The following STAC variants were observed in gnomAD, a reference collection of about 807,000 sequenced individuals.
STAC encodes the protein SH3 and cysteine rich domain.
In STAC, 43 loss-of-function variants were observed where a neutral mutation model predicts 48.8. The ratio of observed to expected loss-of-function variants is 0.88; its 90% CI spans 0.69 to 1.14. The LOEUF (loss-of-function observed/expected upper bound fraction) is 1.14, where lower values mean the gene tolerates loss of function less well. Ranked by LOEUF, STAC falls within the 50% of genes most tolerant of loss-of-function variation. The probability of loss-of-function intolerance (pLI) is 0.00; values close to 1 mark genes in which losing one functional copy is unlikely to be tolerated. For missense variants in STAC, 497 were observed against 504.0 expected, an observed-to-expected ratio of 0.99 and a Z score of 0.13; for synonymous variants, 193 against 179.5, an observed-to-expected ratio of 1.07 and a Z score of -0.60.
At chr3:36,529,460 C>T (rs765193417) in intron 10 of STAC, among the ~76,000 whole-genome samples, 4 of 152,140 alleles carry the variant, frequency 2.6e-5, no homozygotes, top group African/African-American at 4.8e-5. Flanking sequence ...GCAAAAGACA[C>T]GGACTAAATT....
chr3:36,440,705 A>T (rs1383245347), intron 1 of STAC, among the ~76,000 whole-genome samples: 1 of 152,200 alleles, frequency 6.6e-6, no homozygotes, highest in Non-Finnish European at 1.5e-5. Flanking sequence ...AAGTGCCTGG[A>T]TAAGGGAAAG....
intron 2 of STAC, among the ~76,000 whole-genome samples, chr3:36,476,622 T>C (rs1231914699): frequency 6.6e-6 from 1 of 152,212 alleles, no homozygotes; most frequent in Admixed American, 6.5e-5. Context: ...TGTTAGTGTA[T>C]ATTCAAGGAC....
chr3:36,495,759 AT>A (rs1204013056), intron 6 of STAC, among the ~76,000 whole-genome samples: 1 of 152,284 alleles, frequency 6.6e-6, no homozygotes, highest in Non-Finnish European at 1.5e-5. Context: ...CATCACTGCT[AT>A]TAGCAAAGCC....
chr3:36,453,434 T>C (rs898514846), intron 2 of STAC, among the ~76,000 whole-genome samples: 1 of 152,144 alleles, frequency 6.6e-6, no homozygotes, highest in African/African-American at 2.4e-5. Context: ...GACCCCGCCC[T>C]CGGAGAGGCC....
At chr3:36,416,621 T>C (rs1421361123) in intron 1 of STAC, among the ~76,000 whole-genome samples, 3 of 152,182 alleles carry the variant, frequency 2.0e-5, no homozygotes, top group Non-Finnish European at 4.4e-5. Flanking sequence ...CGGTTCCCTG[T>C]GAAAGATTGC....
In STAC at chr3:36,443,713, C is replaced by CCAGGTACCTACGGACAGATGCTAGGCCT; in HGVS notation, c.388+77_388+104dup. The CCAGGTACCTACGGACAGATGCTAGGCCT allele has an allele frequency of 1.3e-6, 2 of 1,562,264 alleles. No individual in the cohort carries two copies. Among genetic ancestry groups the CCAGGTACCTACGGACAGATGCTAGGCCT allele is most frequent in the Non-Finnish European group, 1.7e-6 (2 of 1,153,116 alleles). On this transcript the variant is annotated intron_variant, in intron 2 of 10. Transcript: ENST00000273183. This position sits in a 1 kb window ranked among gnomAD's most constrained non-coding sequence, Gnocchi z 4.2. ...TGAGTGAGAGTGGTGTGCCACGGGT[C>CCAGGTACCTACGGACAGATGCTAGGCCT]CAGGTACCTACGGACAGATGCTAGG...
chr3:36,515,975 C>CTTT (rs1203330014), intron 8 of STAC, among the ~76,000 whole-genome samples: 43 of 61,442 alleles, frequency 7.0e-4, no homozygotes, highest in Non-Finnish European at 9.0e-4. Context: ...CATTTTTCTC[C>CTTT]TTTTTTTTTT....
At chr3:36,458,513 G>A (rs776882092) in intron 2 of STAC, among the ~76,000 whole-genome samples, 3 of 152,294 alleles carry the variant, frequency 2.0e-5, no homozygotes, top group African/African-American at 4.8e-5. Context: ...ACTTCCCAGC[G>A]TGGTGTGACA....
At chr3:36,479,653 C>A (rs184403415) in intron 2 of STAC, among the ~76,000 whole-genome samples, 16 of 152,274 alleles carry the variant, frequency 1.1e-4, no homozygotes, top group Admixed American at 7.2e-4. Context: ...GTAGGTAGTA[C>A]TAGTCCCATT....
At chr3:36,471,807 C>T (rs1399688944) in intron 2 of STAC, among the ~76,000 whole-genome samples, 1 of 152,126 alleles carries the variant, frequency 6.6e-6, no homozygotes, top group East Asian at 1.9e-4. Context: ...GCAGAGTACA[C>T]CCTCCCTCCC....
intron 8 of STAC, among the ~76,000 whole-genome samples, chr3:36,519,466 C>T (rs1698750462): frequency 6.6e-6 from 1 of 152,200 alleles, no homozygotes; most frequent in Admixed American, 6.5e-5. Context: ...TGATCTTTCT[C>T]CTCCACCACA....
chr3:36,534,998 G>C (rs924736880), intron 10 of STAC, among the ~76,000 whole-genome samples: 1 of 152,006 alleles, frequency 6.6e-6, no homozygotes, highest in Admixed American at 6.6e-5. Flanking sequence ...TTATTAAATC[G>C]ACTTTAAAAT....
intron 10 of STAC, among the ~76,000 whole-genome samples, chr3:36,545,311 C>G (rs1337986259): frequency 6.6e-6 from 1 of 152,320 alleles, no homozygotes; most frequent in East Asian, 1.9e-4. Context: ...CCAGGCGAAC[C>G]AAGCTAGACT....
At chr3:36,429,388 G>C (rs576898916) in intron 1 of STAC, among the ~76,000 whole-genome samples, 21 of 152,344 alleles carry the variant, frequency 1.4e-4, no homozygotes, top group South Asian at 2.1e-4. Flanking sequence ...CCAGAGCAGA[G>C]AGAGATATTC....
chr3:36,486,163 G>A lies in STAC; in HGVS notation c.601G>A (p.Glu201Lys), dbSNP rs199662305. 5.0e-6 allele frequency: 8 copies of A among 1,613,798 alleles called. No individual in the cohort carries two copies. The highest frequency in any genetic ancestry group is 2.7e-5 in the African/African-American group (2 of 74,918). The change falls in exon 5 of 11, where the codon GAG becomes AAG. Residue 201 changes from glutamate (E) to lysine (K), a missense_variant. By Grantham distance (56) the Glu-to-Lys change is moderately conservative. Coordinates refer to ENST00000273183, the MANE Select transcript of STAC (RefSeq NM_003149.3). Reference protein sequence around the residue: ...ACGNKVDPVYETLRFGTSLAQ... With the variant: ...ACGNKVDPVYKTLRFGTSLAQ... ...TGGCAATAAGGTGGACCCTGTCTAC[G>A]AGACCCTCCGCTTCGGCACCTCCCT...
chr3:36,503,614 G>T (rs543827517), intron 6 of STAC, among the ~76,000 whole-genome samples: 5 of 152,012 alleles, frequency 3.3e-5, no homozygotes, highest in East Asian at 3.9e-4. Context: ...TTGTATTTTA[G>T]TAGAGATGGG....
chr3:36,414,297 C>A (rs991391423), intron 1 of STAC, among the ~76,000 whole-genome samples: 1 of 152,116 alleles, frequency 6.6e-6, no homozygotes, highest in African/African-American at 2.4e-5. Flanking sequence ...TTCTCCCCAT[C>A]ACTTTCAGGT....
intron 1 of STAC, among the ~76,000 whole-genome samples, chr3:36,385,996 A>G (rs879420571): frequency 2.0e-5 from 3 of 152,042 alleles, no homozygotes; most frequent in Admixed American, 1.3e-4. Context: ...AAGCTCTTCT[A>G]TTGGGTATAT....
chr3:36,415,220 G>A (rs1312613353), intron 1 of STAC, among the ~76,000 whole-genome samples: 1 of 152,208 alleles, frequency 6.6e-6, no homozygotes, highest in Non-Finnish European at 1.5e-5. Flanking sequence ...ATTTAAGTCT[G>A]CAGAGGTTTC....
Sources: gnomAD v4.1 joint callset for allele counts (sites outside exome capture counted in the v4.1 genomes callset) on GRCh38, gnomAD v4.1.1 for gene constraint, Gnocchi (gnomAD v3.1) non-coding constraint, MANE v1.5 for transcripts, NCBI Gene and HGNC (gene_info 2026-07-23, HGNC 2026-07-21) for gene names.